TNIK: variants seen among roughly 807,000 people sequenced by gnomAD.
The protein encoded by TNIK is TRAF2 and NCK interacting kinase.
TNIK carries 49 observed loss-of-function variants against 191.3 expected under a neutral mutation model. That is an observed-to-expected ratio of 0.26 (90% CI 0.20 to 0.32). The LOEUF is 0.32. Among genes scored for constraint, TNIK ranks in the 10% least tolerant of loss-of-function variants. TNIK has a pLI of 1.00. For synonymous variants in TNIK, 594 were observed against 600.9 expected (o/e 0.99, Z 0.17); for missense variants, 1,155 against 1,702.3 (o/e 0.68, Z 5.66).
At position 171,199,620 on chromosome 3, in the gene TNIK, T is replaced by C. The variant is rs545460474; in HGVS notation, c.307-4985A>G. Among the ~76,000 whole-genome samples the C allele has an allele frequency of 2.6e-5, 4 of 152,350 alleles. No individual in the cohort carries two copies. In the East Asian group the frequency reaches 7.7e-4, roughly 29 times the overall value. On this transcript the variant is annotated intron_variant, in intron 4 of 32. Coordinates refer to ENST00000436636, the MANE Select transcript of TNIK (RefSeq NM_015028.4). ...GCACTTTATCCATAGTCTACACTCA[T>C]TAAGTAACTTGAGCAGGGTGAAAGC...
chr3:171,443,276 T>G (rs1233230602), intron 1 of TNIK, among the ~76,000 whole-genome samples: 1 of 152,190 alleles, frequency 6.6e-6, no homozygotes, highest in African/African-American at 2.4e-5. Context: ...CTGAAAGTCT[T>G]GGAGCTCAAT....
At chr3:171,393,849 T>C (rs1719880570) in intron 1 of TNIK, among the ~76,000 whole-genome samples, 1 of 152,234 alleles carries the variant, frequency 6.6e-6, no homozygotes, top group Admixed American at 6.5e-5. Flanking sequence ...AAAAGATTCA[T>C]GCATTCTTTT....
chr3:171,447,989 T>C (rs946992935), intron 1 of TNIK, among the ~76,000 whole-genome samples: 1 of 152,250 alleles, frequency 6.6e-6, no homozygotes, highest in East Asian at 1.9e-4. Flanking sequence ...ACTATTATGG[T>C]TATGTATTTT....
In TNIK at chr3:171,058,422, A is replaced by T. The variant is rs1219581806; in HGVS notation, c.*5459T>A. 6.6e-6 allele frequency among the ~76,000 whole-genome samples: 1 copy of T among 152,180 alleles called. No homozygotes were observed. On this transcript the variant is annotated 3_prime_UTR_variant, in exon 33 of 33. Coordinates refer to ENST00000436636, the MANE Select transcript of TNIK (RefSeq NM_015028.4). ...GGAACAAGGAGGCATCCTACGATTA[A>T]TGTTTTATTATTCATATTTTGACAA...
intron 3 of TNIK, among the ~76,000 whole-genome samples, chr3:171,218,350 C>G (rs1268500791): frequency 6.6e-6 from 1 of 152,098 alleles, no homozygotes; most frequent in Admixed American, 6.6e-5. Context: ...TGAGGCATGA[C>G]TCCCAAGAAA....
At chr3:171,110,626 C>T (rs1428702289) in intron 19 of TNIK, 88 bp downstream of exon 19, 4 of 1,463,886 alleles carry the variant, frequency 2.7e-6, no homozygotes, top group Non-Finnish European at 3.6e-6. Context: ...CATGCCTGGA[C>T]TAGAGTCAGG....
At chr3:171,094,063 ATAT>A in intron 22 of TNIK, 95 bp from the exon 23 acceptor site, 1 of 1,417,424 alleles carries the variant, frequency 7.1e-7, no homozygotes, top group Non-Finnish European at 9.4e-7. Flanking sequence ...TAAAATATAC[ATAT>A]TAATAACATA....
chr3:171,093,792 C>A, intron 23 of TNIK, 47 bp downstream of exon 23: 2 of 1,604,566 alleles, frequency 1.2e-6, no homozygotes, highest in South Asian at 1.1e-5. Context: ...ATGTAAAAAC[C>A]ACTGAAGAAA....
At position 171,087,418 on chromosome 3, in the gene TNIK, T is replaced by C. The variant is rs1721506519; in HGVS notation, c.2810A>G (p.His937Arg). 1.2e-6 allele frequency: 2 copies of C among 1,613,946 alleles called. No homozygotes were observed. Among genetic ancestry groups the C allele is most frequent in the East Asian group, 2.2e-5 (1 of 44,876 alleles). The change falls in exon 24 of 33, where the codon CAT becomes CGT. Residue 937 changes from histidine to arginine, a missense_variant. Coordinates refer to ENST00000436636, the MANE Select transcript of TNIK (RefSeq NM_015028.4). The stretch of plus-strand genomic sequence containing the variant: ...CTCAGTCGGGGTTCCAGCTGGAGAA[T>C]GGCTCTGCTGCACCAGGTCAGGGAG... ...INLPDLVQQS[H>R]SPAGTPTEGL...
At chr3:171,422,727 T>G (rs1723993587) in intron 1 of TNIK, among the ~76,000 whole-genome samples, 1 of 152,224 alleles carries the variant, frequency 6.6e-6, no homozygotes, top group South Asian at 2.1e-4. Context: ...AATAAAACTG[T>G]GTTAAAAACA....
At chr3:171,274,414 C>T (rs1749473493) in intron 2 of TNIK, among the ~76,000 whole-genome samples, 1 of 152,184 alleles carries the variant, frequency 6.6e-6, no homozygotes, top group Admixed American at 6.5e-5. Flanking sequence ...ACTTCAGAAG[C>T]AACTCATAGC....
rs569536695 is a variant in TNIK at position 171,278,480 on chromosome 3, A to T, written c.124-50259T>A. Reference sequence around the variant, plus strand: ...ATATCCTATAGATACTTATTTTTTTAAAAAAGATAAAAAAAATTTAAAAAC... The same window carrying T: ...ATATCCTATAGATACTTATTTTTTTTAAAAAGATAAAAAAAATTTAAAAAC... On this transcript the variant is annotated intron_variant, in intron 2 of 32. Transcript: ENST00000436636. Among the ~76,000 whole-genome samples the T allele has an allele frequency of 4.4e-4, 67 of 152,282 alleles. 1 individual carries two copies. The highest frequency in any genetic ancestry group is 6.2e-4 in the Non-Finnish European group (42 of 68,030).
chr3:171,198,501 GA>G (rs1739003688), intron 4 of TNIK, among the ~76,000 whole-genome samples: 1 of 152,112 alleles, frequency 6.6e-6, no homozygotes, highest in Admixed American at 6.5e-5. Flanking sequence ...TATATTTAAT[GA>G]TAATGAGTTA....
chr3:171,369,996 C>T (rs969800682), intron 1 of TNIK, among the ~76,000 whole-genome samples: 3 of 152,140 alleles, frequency 2.0e-5, no homozygotes, highest in Non-Finnish European at 4.4e-5. Context: ...TGGAAAAACA[C>T]ACTTGCAGGA....
intron 8 of TNIK, among the ~76,000 whole-genome samples, 187 bp downstream of exon 8, chr3:171,177,139 C>A (rs1736061878): frequency 6.6e-6 from 1 of 151,204 alleles, no homozygotes; most frequent in Admixed American, 6.6e-5. Flanking sequence ...AAACAGGATT[C>A]TCCCACTGCT....
chr3:171,411,578 C>T (rs1722429207), intron 1 of TNIK, among the ~76,000 whole-genome samples: 1 of 152,022 alleles, frequency 6.6e-6, no homozygotes. Flanking sequence ...TCATGGCTCA[C>T]CTTTTTATAC....
At chr3:171,439,022 C>T (rs1377689542) in intron 1 of TNIK, among the ~76,000 whole-genome samples, 2 of 152,174 alleles carry the variant, frequency 1.3e-5, no homozygotes, top group African/African-American at 4.8e-5. Context: ...TGGGAAGCAG[C>T]AATAGCACAA....
intron 24 of TNIK, among the ~76,000 whole-genome samples, chr3:171,086,980 A>G (rs1721438000): frequency 1.3e-5 from 2 of 152,180 alleles, no homozygotes; most frequent in Non-Finnish European, 1.5e-5. Context: ...CACAAATATA[A>G]ACCTCAACTG....
chr3:171,409,836 A>T (rs1450711782), intron 1 of TNIK, among the ~76,000 whole-genome samples: 2 of 150,496 alleles, frequency 1.3e-5, no homozygotes, highest in African/African-American at 4.9e-5. Context: ...TCTTTAGTGC[A>T]AGCAGTATAT....
Sources: allele counts gnomAD v4.1 joint callset (sites outside exome capture counted in the v4.1 genomes callset), GRCh38; gene constraint gnomAD v4.1.1; transcripts MANE v1.5; gene names NCBI Gene and HGNC (gene_info 2026-07-23, HGNC 2026-07-21).